The following ASPRV1 variants were observed in gnomAD, a reference collection of about 807,000 sequenced individuals.
The protein encoded by ASPRV1 is aspartic peptidase retroviral like 1, also known as retroviral-like aspartic protease 1.
In ASPRV1, 7 loss-of-function variants were observed where a neutral mutation model predicts 11.0. That is an observed-to-expected ratio of 0.64 (90% CI 0.36 to 1.20). The LOEUF (loss-of-function observed/expected upper bound fraction) is 1.20, where lower values mean the gene tolerates loss of function less well. Among genes scored for constraint, ASPRV1 ranks in the 50% most tolerant of loss-of-function variants. The probability of loss-of-function intolerance (pLI) is 0.02; values close to 1 mark genes in which losing one functional copy is unlikely to be tolerated. For synonymous variants in ASPRV1, 136 were observed against 138.4 expected (o/e 0.98, Z 0.12); for missense variants, 299 against 320.0 (o/e 0.93, Z 0.50).
chr2:69,959,049 C>T (rs998736179), downstream of ASPRV1, among the ~76,000 whole-genome samples: 1 of 152,212 alleles, frequency 6.6e-6, no homozygotes, highest in East Asian at 1.9e-4. Flanking sequence ...CAGCTGGAAT[C>T]GGAGGGAAGA....
the ASPRV1 span, chr2:69,938,247 A>G: frequency 1.2e-6 from 2 of 1,614,070 alleles, no homozygotes; most frequent in Non-Finnish European, 1.7e-6. Context: ...AAGAGAATAA[A>G]GCTGCAGGAC....
At chr2:69,956,201 T>G (rs1245469651), downstream of ASPRV1, among the ~76,000 whole-genome samples, 1 of 152,152 alleles carries the variant, frequency 6.6e-6, no homozygotes, top group African/African-American at 2.4e-5. Context: ...TAAATGAGTA[T>G]AACTCATAGA....
the ASPRV1 span, chr2:69,939,697 A>G: frequency 6.6e-6 from 1 of 152,550 alleles, no homozygotes; most frequent in African/African-American, 2.4e-5. Context: ...AATCTTTTTC[A>G]TTGAATTTGA....
At chr2:69,967,143 T>A in the ASPRV1 span, among the ~76,000 whole-genome samples, 3 of 152,140 alleles carry the variant, frequency 2.0e-5, no homozygotes, top group Non-Finnish European at 2.9e-5. Context: ...TTGATTCAAT[T>A]CCATACATAC....
At chr2:70,041,080 T>C in the ASPRV1 span, among the ~76,000 whole-genome samples, 3 of 152,336 alleles carry the variant, frequency 2.0e-5, no homozygotes, top group Admixed American at 6.5e-5. Context: ...GCTTACTGGA[T>C]GCTCAAAGAA....
chr2:70,035,169 C>T, the ASPRV1 span, among the ~76,000 whole-genome samples: 345 of 152,272 alleles, frequency 2.3e-3, 2 homozygotes, highest in African/African-American at 7.1e-3. Context: ...CCTCTCTGGG[C>T]GAGATCCAGG....
At chr2:70,075,795 G>A in the ASPRV1 span, among the ~76,000 whole-genome samples, 13 of 152,192 alleles carry the variant, frequency 8.5e-5, no homozygotes, top group African/African-American at 2.9e-4. Flanking sequence ...GTTGCGGTGA[G>A]GTGAGATCAC....
chr2:69,933,208 AAAAAAAAAAAAAAAAAC>A, the ASPRV1 span, among the ~76,000 whole-genome samples: 4 of 150,840 alleles, frequency 2.7e-5, no homozygotes, highest in African/African-American at 9.7e-5. Flanking sequence ...CTCAAAAAAA[AAAAAAAAAAAAAAAAAC>A]AAAAAAAGAA....
At chr2:70,036,266 G>T in the ASPRV1 span, among the ~76,000 whole-genome samples, 1 of 152,124 alleles carries the variant, frequency 6.6e-6, no homozygotes, top group Non-Finnish European at 1.5e-5. Flanking sequence ...TGGTAATGAA[G>T]AGCCATTGTA....
the ASPRV1 span, among the ~76,000 whole-genome samples, chr2:70,069,850 A>G: frequency 1.3e-5 from 2 of 152,130 alleles, no homozygotes; most frequent in African/African-American, 4.8e-5. Context: ...TGAGTTCTAT[A>G]AAGTAAGGAG....
the ASPRV1 span, among the ~76,000 whole-genome samples, chr2:69,946,898 T>G: frequency 1.3e-5 from 2 of 152,002 alleles, no homozygotes; most frequent in Non-Finnish European, 2.9e-5. Context: ...TACAGGGCAG[T>G]TCCTCTCATA....
At chr2:70,079,885 C>A in the ASPRV1 span, among the ~76,000 whole-genome samples, 1 of 151,928 alleles carries the variant, frequency 6.6e-6, no homozygotes, top group Non-Finnish European at 1.5e-5. Flanking sequence ...ATACAAAAAG[C>A]AAAAATCAAT....
chr2:70,019,949 A>G, the ASPRV1 span, among the ~76,000 whole-genome samples: 1 of 152,200 alleles, frequency 6.6e-6, no homozygotes, highest in Non-Finnish European at 1.5e-5. Context: ...GGCAATGCAT[A>G]TGTTCAATAG....
the ASPRV1 span, chr2:69,938,396 TG>T: frequency 8.8e-7 from 1 of 1,132,754 alleles, no homozygotes; most frequent in East Asian, 2.5e-5. Flanking sequence ...TGTCCCACCT[TG>T]ACCAAAATCA....
chr2:70,072,176 T>A, the ASPRV1 span, among the ~76,000 whole-genome samples: 110 of 151,080 alleles, frequency 7.3e-4, no homozygotes, highest in African/African-American at 2.4e-3. Context: ...GGTCTCAAAC[T>A]CCTGGCCTCA....
the ASPRV1 span, among the ~76,000 whole-genome samples, chr2:69,990,572 G>A: frequency 1.3e-5 from 2 of 151,832 alleles, no homozygotes; most frequent in African/African-American, 4.8e-5. Flanking sequence ...CGACATCTAG[G>A]GCTCATGTGA....
the ASPRV1 span, chr2:69,998,089 C>T: frequency 2.0e-5 from 3 of 151,184 alleles, no homozygotes; most frequent in Non-Finnish European, 2.9e-5. Flanking sequence ...TTTATAAAGC[C>T]GAAATTCATA....
At chr2:70,076,632 C>T in the ASPRV1 span, among the ~76,000 whole-genome samples, 1 of 152,274 alleles carries the variant, frequency 6.6e-6, no homozygotes, top group Middle Eastern at 3.4e-3. Context: ...CTTAGCCTAC[C>T]AAACATCATA....
At chr2:70,067,146 T>C in the ASPRV1 span, among the ~76,000 whole-genome samples, 4 of 152,186 alleles carry the variant, frequency 2.6e-5, no homozygotes, top group African/African-American at 9.6e-5. Flanking sequence ...GCAGTAGCAA[T>C]GGAGAGGGAA....
Sources: allele counts gnomAD v4.1 joint callset (sites outside exome capture counted in the v4.1 genomes callset), GRCh38; gene constraint gnomAD v4.1.1; transcripts MANE v1.5; gene names NCBI Gene and HGNC (gene_info 2026-07-23, HGNC 2026-07-21).